The following IFT81 variants were observed in gnomAD, a reference collection of about 807,000 sequenced individuals.
IFT81 encodes the protein intraflagellar transport 81.
A neutral mutation model predicts 102.6 loss-of-function variants in IFT81; 72 were observed. The ratio of observed to expected loss-of-function variants is 0.70; its 90% CI spans 0.58 to 0.85. IFT81 has a LOEUF of 0.85. Ranked by LOEUF, IFT81 falls within the 40% of genes least tolerant of loss-of-function variation. IFT81 has a pLI of 0.00. For synonymous variants in IFT81, 237 were observed against 242.7 expected, an observed-to-expected ratio of 0.98 and a Z score of 0.22; for missense variants, 723 against 787.3, an observed-to-expected ratio of 0.92 and a Z score of 0.98.
chr12:110,150,696 A>G (rs1895479130), intron 10 of IFT81, among the ~76,000 whole-genome samples: 1 of 152,220 alleles, frequency 6.6e-6, no homozygotes, highest in Admixed American at 6.5e-5. Flanking sequence ...AGTACCAGTA[A>G]TACCATCAAG....
At chr12:110,162,024 G>A (rs2137436499) in intron 10 of IFT81, among the ~76,000 whole-genome samples, 1 of 152,284 alleles carries the variant, frequency 6.6e-6, no homozygotes, top group East Asian at 1.9e-4. Flanking sequence ...GCTAAGAGTA[G>A]CCATTTGCAT....
intron 13 of IFT81, among the ~76,000 whole-genome samples, 197 bp downstream of exon 13, chr12:110,191,245 A>G (rs1297465931): frequency 6.6e-6 from 1 of 151,028 alleles, no homozygotes; most frequent in African/African-American, 2.4e-5. Context: ...AATTTGGCTC[A>G]CTGTAACATC....
chr12:110,148,881 C>G (rs1357186181), intron 10 of IFT81, among the ~76,000 whole-genome samples: 1 of 152,136 alleles, frequency 6.6e-6, no homozygotes, highest in Non-Finnish European at 1.5e-5. Flanking sequence ...CATTATTTAT[C>G]AGTTTTCATA....
chr12:110,207,252 GT>G lies in IFT81; in HGVS notation c.1802+1575del, dbSNP rs1247417918. On this transcript the variant is annotated intron_variant, in intron 17 of 18. Coordinates refer to ENST00000242591, the MANE Select transcript of IFT81 (RefSeq NM_014055.4). The stretch of plus-strand genomic sequence containing the variant: ...ATTTTTGTATTTTTGTAGAAATGGG[GT>G]TTCACCATGTTAGCCAGGTTGGTCT... 2.0e-5 allele frequency among the ~76,000 whole-genome samples: 3 copies of G among 152,028 alleles called. No homozygotes were observed. In the East Asian group the frequency reaches 5.8e-4, roughly 29 times the overall value.
In IFT81 at chr12:110,124,666, C is replaced by T. The variant is rs930792525; in HGVS notation, c.-217C>T. 6.6e-5 allele frequency: 10 copies of T among 152,216 alleles called. No individual in the cohort carries two copies. The highest frequency in any genetic ancestry group is 1.4e-4 in the African/African-American group (6 of 41,434). 9.4% of individuals were successfully genotyped at this position (152,216 alleles called of 1,614,324 possible). A position where few individuals can be genotyped will look rare whatever the true frequency, so the allele number is the denominator to read the frequency against. ...CCCAGGGCAGCCCCCGCTAGAGGCC[C>T]GGTCGGGTGTGGGGTCCCCTGTCCC... On this transcript the variant is annotated 5_prime_UTR_variant, in exon 1 of 19. Coordinates refer to ENST00000242591, the MANE Select transcript of IFT81 (RefSeq NM_014055.4).
intron 9 of IFT81, among the ~76,000 whole-genome samples, chr12:110,144,535 G>T (rs1275890036): frequency 1.3e-5 from 2 of 150,170 alleles, no homozygotes; most frequent in Non-Finnish European, 3.0e-5. Context: ...TTTTGAGACG[G>T]AGTCTTGCTC....
chr12:110,150,636 C>A (rs1895474263), intron 10 of IFT81, among the ~76,000 whole-genome samples: 1 of 152,062 alleles, frequency 6.6e-6, no homozygotes, highest in Non-Finnish European at 1.5e-5. Flanking sequence ...ATAAATTTAT[C>A]ATTTTTATAA....
chr12:110,203,993 C>G (rs1329609037), intron 15 of IFT81, 43 bp downstream of exon 15: 3 of 1,234,088 alleles, frequency 2.4e-6, no homozygotes, highest in Admixed American at 2.0e-5. Flanking sequence ...CAAAAACTAC[C>G]TGTGTGTACA....
In IFT81 at chr12:110,205,456, T is replaced by G; in HGVS notation, c.1658T>G (p.Leu553Arg). ...TATATATTATAGGAAGTTAGAAGAC[T>G]CCGTGAAGAATGTCTTCAAGAAGAA... ...RSKLEQEVRR[L>R]REECLQEESR... Residue 553 changes from leucine (L) to arginine (R), a missense_variant, in exon 16 of 19, where the codon CTC (leucine) becomes CGC (arginine). By Grantham distance (102) the Leu-to-Arg change is moderately radical. Coordinates refer to ENST00000242591, the MANE Select transcript of IFT81 (RefSeq NM_014055.4). 6.2e-7 allele frequency: 1 copy of G among 1,601,962 alleles called. No individual in the cohort carries two copies. Among genetic ancestry groups the G allele is most frequent in the Non-Finnish European group, 8.5e-7 (1 of 1,175,792 alleles).
At chr12:110,156,761 T>G (rs1460502477) in intron 10 of IFT81, among the ~76,000 whole-genome samples, 1 of 152,190 alleles carries the variant, frequency 6.6e-6, no homozygotes, top group Non-Finnish European at 1.5e-5. Context: ...CCTTCCAAAG[T>G]ACCAAGATTA....
chr12:110,181,809 C>T (rs1353812351), intron 12 of IFT81, among the ~76,000 whole-genome samples: 3 of 151,918 alleles, frequency 2.0e-5, no homozygotes, highest in African/African-American at 4.8e-5. Flanking sequence ...AAGCAGAGCT[C>T]GAGAAGGGAA....
chr12:110,181,114 C>T lies in IFT81; in HGVS notation c.1338+543C>T, dbSNP rs142927145. 1.3e-3 allele frequency among the ~76,000 whole-genome samples: 200 copies of T among 152,086 alleles called. 1 individual carries two copies. The highest frequency in any genetic ancestry group is 4.6e-3 in the African/African-American group (192 of 41,500). ...CATTTGGCTTTTTTTTTTCTTTCAC[C>T]AACGAGGAAACTTTCATCTGGGTGC... On this transcript the variant is annotated intron_variant, in intron 12 of 18. Coordinates refer to ENST00000242591, the MANE Select transcript of IFT81 (RefSeq NM_014055.4).
At chr12:110,216,431 G>C in intron 18 of IFT81, 1 of 446,918 alleles carries the variant, frequency 2.2e-6, no homozygotes, top group Non-Finnish European at 4.5e-6. Context: ...CCCAGCTCAA[G>C]CAATCCTCCT....
At position 110,169,911 on chromosome 12, in the gene IFT81, T is replaced by C. The variant is rs751049315; in HGVS notation, c.1188+6846T>C. 5.9e-5 allele frequency among the ~76,000 whole-genome samples: 9 copies of C among 152,086 alleles called. No individual in the cohort carries two copies. In the East Asian group the frequency reaches 1.2e-3, roughly 20 times the overall value. ...AATGTGTGCACTAAGTAGAAGAACA[T>C]TGGATCTGTATTTTGGGTTGGGTTT... On this transcript the variant is annotated intron_variant, in intron 11 of 18. Coordinates refer to ENST00000242591, the MANE Select transcript of IFT81 (RefSeq NM_014055.4).
At position 110,203,867 on chromosome 12, in the gene IFT81, C is replaced by A; in HGVS notation, c.1561C>A (p.Leu521Met). The change falls in exon 15 of 19, where the codon CTG becomes ATG. Residue 521 changes from leucine (L) to methionine (M), a missense_variant. Coordinates refer to ENST00000242591, the MANE Select transcript of IFT81 (RefSeq NM_014055.4). The part of the protein sequence containing the change: ...LRQLRQKYQE[L>M]TQECDEKKSQ... ...TCATTTTCCCTTTTTATACTAGGAA[C>A]TGACCCAGGAGTGTGATGAAAAGAA... 1 of 1,609,398 alleles carries A rather than the reference C, an allele frequency of 6.2e-7. No homozygotes were observed. The highest frequency in any genetic ancestry group is 8.5e-7 in the Non-Finnish European group (1 of 1,175,850).
At chr12:110,175,651 T>C (rs965537227) in intron 11 of IFT81, among the ~76,000 whole-genome samples, 4 of 152,240 alleles carry the variant, frequency 2.6e-5, no homozygotes, top group Admixed American at 6.5e-5. Context: ...AGAATATGTA[T>C]AGTGTCTGCT....
intron 16 of IFT81, 25 bp from the exon 17 acceptor site, chr12:110,205,570 C>T: frequency 6.3e-7 from 1 of 1,590,082 alleles, no homozygotes. Context: ...AAAGTCTTCC[C>T]TAAAACTGAA....
intron 4 of IFT81, among the ~76,000 whole-genome samples, chr12:110,131,495 C>T (rs949409098): frequency 5.9e-5 from 9 of 151,872 alleles, no homozygotes; most frequent in African/African-American, 1.2e-4. Context: ...TATAGGTGTG[C>T]GCCACTGTGC....
At chr12:110,160,339 C>A (rs1896071600) in intron 10 of IFT81, among the ~76,000 whole-genome samples, 1 of 152,206 alleles carries the variant, frequency 6.6e-6, no homozygotes, top group Admixed American at 6.5e-5. Context: ...ACAGTGCAGC[C>A]TTCAGCCTGC....
Sources: gnomAD v4.1 joint callset for allele counts (sites outside exome capture counted in the v4.1 genomes callset) on GRCh38, gnomAD v4.1.1 for gene constraint, MANE v1.5 for transcripts, NCBI Gene and HGNC (gene_info 2026-07-23, HGNC 2026-07-21) for gene names.